Variants in CSMD1 observed in about 807,000 individuals in gnomAD.
CSMD1 encodes CUB and Sushi multiple domains 1.
In CSMD1, 213 loss-of-function variants were observed where a neutral mutation model predicts 417.5. The ratio of observed to expected loss-of-function variants is 0.51; its 90% CI spans 0.46 to 0.57. The LOEUF (loss-of-function observed/expected upper bound fraction) is 0.57. Ranked by LOEUF, CSMD1 falls within the 20% of genes least tolerant of loss-of-function variation. The pLI is 0.00. For missense variants in CSMD1, 6,923 were observed against 4,529.7 expected (o/e 1.53, Z -15.17); for synonymous variants, 2,862 against 1,736.8 (o/e 1.65, Z -16.11).
intron 50 of CSMD1, among the ~76,000 whole-genome samples, chr8:3,035,420 C>A (rs868672423): frequency 6.6e-6 from 1 of 152,042 alleles, no homozygotes. Context: ...CCAGGCTCAC[C>A]CCAACCAAGC....
At chr8:4,242,340 T>C (rs1450497269) in intron 3 of CSMD1, among the ~76,000 whole-genome samples, 2 of 152,104 alleles carry the variant, frequency 1.3e-5, no homozygotes, top group Admixed American at 1.3e-4. Context: ...ACATGAAAAT[T>C]TGCAACCTCC....
chr8:4,256,353 G>C (rs1276467685), intron 3 of CSMD1, among the ~76,000 whole-genome samples: 2 of 152,056 alleles, frequency 1.3e-5, no homozygotes, highest in African/African-American at 4.8e-5. Flanking sequence ...CCTACTTTTG[G>C]CCTCAAATGA....
At chr8:3,781,868 C>T (rs1298370604) in intron 5 of CSMD1, among the ~76,000 whole-genome samples, 1 of 151,940 alleles carries the variant, frequency 6.6e-6, no homozygotes, top group Non-Finnish European at 1.5e-5. Flanking sequence ...GGCATTTTCC[C>T]GCTATTTTTT....
chr8:3,919,980 T>C (rs946915927), intron 5 of CSMD1, among the ~76,000 whole-genome samples: 3 of 151,438 alleles, frequency 2.0e-5, no homozygotes, highest in Non-Finnish European at 4.4e-5. Context: ...GTGTAATCTG[T>C]GAATATACCA....
intron 39 of CSMD1, among the ~76,000 whole-genome samples, chr8:3,155,588 C>A (rs141471236): frequency 3.3e-5 from 5 of 151,452 alleles, no homozygotes; most frequent in African/African-American, 1.2e-4. Context: ...AGGATGGTCT[C>A]GATCTCCTGA....
At chr8:4,617,843 G>C (rs1446004189) in intron 2 of CSMD1, among the ~76,000 whole-genome samples, 1 of 152,096 alleles carries the variant, frequency 6.6e-6, no homozygotes, top group African/African-American at 2.4e-5. Flanking sequence ...CATTGGAAGA[G>C]ACCAAGAACA....
chr8:2,962,418 A>C (rs1428477611), intron 61 of CSMD1, 48 bp downstream of exon 61: 11 of 1,533,042 alleles, frequency 7.2e-6, no homozygotes, highest in Non-Finnish European at 9.8e-6. Flanking sequence ...AAGCGTCCTC[A>C]TCTCCAAATA....
At chr8:4,329,456 T>G (rs1799745742) in intron 3 of CSMD1, among the ~76,000 whole-genome samples, 1 of 152,040 alleles carries the variant, frequency 6.6e-6, no homozygotes, top group African/African-American at 2.4e-5. Context: ...ACTGGCTAAT[T>G]TTTGTATTTT....
chr8:4,446,257 A>T (rs1369165435), intron 2 of CSMD1, among the ~76,000 whole-genome samples: 3 of 152,194 alleles, frequency 2.0e-5, no homozygotes, highest in Admixed American at 2.0e-4. Context: ...TCACTTGAAG[A>T]GTGGACCCAG....
At chr8:3,510,895 C>T (rs978032207) in intron 10 of CSMD1, among the ~76,000 whole-genome samples, 1 of 151,672 alleles carries the variant, frequency 6.6e-6, no homozygotes, top group African/African-American at 2.4e-5. Context: ...CTTGTAGGTT[C>T]TGGATATTAG....
intron 22 of CSMD1, among the ~76,000 whole-genome samples, chr8:3,346,143 C>T (rs924153822): frequency 6.6e-6 from 1 of 152,136 alleles, no homozygotes; most frequent in Non-Finnish European, 1.5e-5. Context: ...TATATGCCTG[C>T]AAAATGTGTA....
chr8:4,036,465 G>A (rs529666693), intron 3 of CSMD1, among the ~76,000 whole-genome samples: 3 of 152,302 alleles, frequency 2.0e-5, no homozygotes, highest in Non-Finnish European at 2.9e-5. Flanking sequence ...CCAAGAAGGT[G>A]TCTGAAAAGA....
intron 3 of CSMD1, among the ~76,000 whole-genome samples, chr8:4,206,023 T>G (rs1339797693): frequency 6.6e-6 from 1 of 152,120 alleles, no homozygotes; most frequent in Non-Finnish European, 1.5e-5. Context: ...AACTACATAG[T>G]TCCTCCCCAT....
At chr8:4,016,614 T>C (rs148553240) in intron 4 of CSMD1, among the ~76,000 whole-genome samples, 93 of 152,268 alleles carry the variant, frequency 6.1e-4, no homozygotes, top group Middle Eastern at 3.4e-3. Flanking sequence ...GGAAAATTAT[T>C]TGGGTGAAGA....
intron 2 of CSMD1, among the ~76,000 whole-genome samples, chr8:4,460,620 G>A (rs1231764819): frequency 2.0e-5 from 3 of 152,116 alleles, no homozygotes; most frequent in Admixed American, 1.3e-4. Flanking sequence ...GGAAAAAAAG[G>A]TAGAGAATAT....
At chr8:3,901,031 T>C (rs1163965571) in intron 5 of CSMD1, among the ~76,000 whole-genome samples, 3 of 152,218 alleles carry the variant, frequency 2.0e-5, no homozygotes, top group African/African-American at 7.2e-5. Context: ...GACATTACTT[T>C]GGTAATAAGA....
At chr8:4,695,053 T>TTCCCCCG (rs1434240904) in intron 1 of CSMD1, among the ~76,000 whole-genome samples, 1 of 152,172 alleles carries the variant, frequency 6.6e-6, no homozygotes, top group Non-Finnish European at 1.5e-5. Context: ...CCCTTCCCCC[T>TTCCCCCG]TATGGGAATG....
Position 4,792,665 on chromosome 8 carries a change from C to A in CSMD1, c.86-155107G>T, listed in dbSNP as rs929933955. On this transcript the variant is annotated intron_variant, in intron 1 of 69. Transcript: ENST00000635120. Reference sequence around the variant, plus strand: ...ATCTTTTGTAATTATATGGGACACTCAATTTATAATCAATGGGTCCAGAAC... The same window carrying A: ...ATCTTTTGTAATTATATGGGACACTAAATTTATAATCAATGGGTCCAGAAC... Among the ~76,000 whole-genome samples, 3 of 152,236 alleles carry A rather than the reference C, an allele frequency of 2.0e-5. No individual in the cohort carries two copies. In the East Asian group the frequency reaches 5.8e-4, roughly 29 times the overall value.
chr8:3,829,272 T>C (rs1385651756), intron 5 of CSMD1, among the ~76,000 whole-genome samples: 1 of 152,116 alleles, frequency 6.6e-6, no homozygotes, highest in East Asian at 1.9e-4. Flanking sequence ...AGTGAGAAAA[T>C]ACGATGTTTG....
Sources: gnomAD v4.1 joint callset for allele counts (sites outside exome capture counted in the v4.1 genomes callset) on GRCh38, gnomAD v4.1.1 for gene constraint, MANE v1.5 for transcripts, NCBI Gene and HGNC (gene_info 2026-07-23, HGNC 2026-07-21) for gene names.